The following CTDP1 variants were observed in gnomAD, a reference collection of about 807,000 sequenced individuals.
CTDP1 encodes RNA polymerase II subunit A C-terminal domain phosphatase.
In CTDP1, 47 loss-of-function variants were observed where a neutral mutation model predicts 91.8. The observed-to-expected ratio is 0.51, with a 90% CI of 0.41 to 0.65. CTDP1 has a LOEUF of 0.65. Ranked by LOEUF, CTDP1 falls within the 30% of genes least tolerant of loss-of-function variation. The pLI, the probability that CTDP1 is intolerant of heterozygous loss-of-function variation, is 0.00. For synonymous variants in CTDP1, 656 were observed against 598.5 expected (o/e 1.10, Z -1.40); for missense variants, 1,272 against 1,373.7 (o/e 0.93, Z 1.17).
intron 12 of CTDP1, among the ~76,000 whole-genome samples, chr18:79,752,111 G>C (rs1283832872): frequency 3.3e-5 from 5 of 152,274 alleles, no homozygotes; most frequent in Non-Finnish European, 7.3e-5. Context: ...GGGCTCTGGG[G>C]ATCTCCTGGG....
At chr18:79,725,997 G>T (rs1353990584) in intron 10 of CTDP1, among the ~76,000 whole-genome samples, 1 of 152,196 alleles carries the variant, frequency 6.6e-6, no homozygotes, top group African/African-American at 2.4e-5. Context: ...TGTAGATTTG[G>T]AGGGTTTACC....
intron 4 of CTDP1, among the ~76,000 whole-genome samples, chr18:79,704,325 C>T (rs148447227): frequency 1.3e-3 from 196 of 151,918 alleles, no homozygotes; most frequent in Non-Finnish European, 2.4e-3. Context: ...TGTGGAGGGG[C>T]GGGTGCAAAC....
intron 12 of CTDP1, among the ~76,000 whole-genome samples, chr18:79,745,155 G>A (rs1233396949): frequency 6.6e-6 from 1 of 152,242 alleles, no homozygotes; most frequent in Non-Finnish European, 1.5e-5. Flanking sequence ...CTTTTCCAAA[G>A]CAGTTGTAAT....
intron 11 of CTDP1, chr18:79,736,094 A>C (rs908774445): frequency 1.8e-6 from 1 of 561,218 alleles, no homozygotes; most frequent in Admixed American, 3.0e-5. Context: ...CCCTGTTCAC[A>C]TAAGGGACAG....
At chr18:79,738,340 G>C (rs2086709245) in intron 12 of CTDP1, among the ~76,000 whole-genome samples, 1 of 152,224 alleles carries the variant, frequency 6.6e-6, no homozygotes, top group Admixed American at 6.5e-5. Context: ...GTACAGACTT[G>C]TGTCCCGAGG....
At chr18:79,726,329 C>G (rs896434501) in intron 10 of CTDP1, among the ~76,000 whole-genome samples, 3 of 152,130 alleles carry the variant, frequency 2.0e-5, no homozygotes, top group Non-Finnish European at 4.4e-5. Context: ...ATGTCTGTAT[C>G]TTCTATTTCT....
intron 6 of CTDP1, among the ~76,000 whole-genome samples, chr18:79,712,328 C>T (rs2086101656): frequency 1.3e-5 from 2 of 152,172 alleles, no homozygotes; most frequent in African/African-American, 2.4e-5. Flanking sequence ...GTCGCCCAGG[C>T]TTAAGTGCAG....
At chr18:79,714,102 G>C (rs1378058888) in intron 7 of CTDP1, among the ~76,000 whole-genome samples, 1 of 152,196 alleles carries the variant, frequency 6.6e-6, no homozygotes, top group African/African-American at 2.4e-5. Flanking sequence ...GGTGGCGCCA[G>C]GTCTGCAGCC....
intron 10 of CTDP1, among the ~76,000 whole-genome samples, chr18:79,726,645 C>T (rs917635697): frequency 6.6e-6 from 1 of 152,076 alleles, no homozygotes; most frequent in African/African-American, 2.4e-5. Context: ...AGTGGAGGCC[C>T]CCTTGTTCCT....
chr18:79,683,880 G>A (rs1449462995), intron 1 of CTDP1, among the ~76,000 whole-genome samples: 1 of 152,258 alleles, frequency 6.6e-6, no homozygotes, highest in Non-Finnish European at 1.5e-5. Context: ...CCCTGCAGGT[G>A]TTATGAATTA....
chr18:79,738,000 G>A (rs1406477182), intron 12 of CTDP1, among the ~76,000 whole-genome samples: 4 of 132,182 alleles, frequency 3.0e-5, no homozygotes, highest in South Asian at 2.6e-4. Context: ...CCACTCCCCC[G>A]GCCTCCCCCG....
At chr18:79,716,816 G>A (rs1023390236) in intron 8 of CTDP1, among the ~76,000 whole-genome samples, 6 of 152,260 alleles carry the variant, frequency 3.9e-5, no homozygotes, top group Admixed American at 3.9e-4. Flanking sequence ...ACTGTTGAGA[G>A]GCTTTGCTGA....
chr18:79,707,703 T>C (rs978847668), intron 5 of CTDP1, among the ~76,000 whole-genome samples: 4 of 152,204 alleles, frequency 2.6e-5, no homozygotes, highest in Admixed American at 2.0e-4. Flanking sequence ...AGGAAGACTG[T>C]GTCCAGGCTG....
At chr18:79,730,071 C>T (rs545940669) in intron 11 of CTDP1, among the ~76,000 whole-genome samples, 13 of 152,352 alleles carry the variant, frequency 8.5e-5, no homozygotes, top group African/African-American at 3.1e-4. Context: ...ACAGACTCGT[C>T]TCAGTAACTC....
intron 10 of CTDP1, among the ~76,000 whole-genome samples, chr18:79,720,446 GTGA>G: frequency 6.6e-6 from 1 of 151,208 alleles, no homozygotes. Flanking sequence ...TCGTGTCCTG[GTGA>G]TGCTGTCACC....
intron 1 of CTDP1, among the ~76,000 whole-genome samples, chr18:79,693,374 A>G (rs2085662738): frequency 6.6e-6 from 1 of 152,160 alleles, no homozygotes; most frequent in African/African-American, 2.4e-5. Flanking sequence ...TAAGGAAATC[A>G]TACTTGTCAC....
At chr18:79,742,603 C>T (rs1013934870) in intron 12 of CTDP1, among the ~76,000 whole-genome samples, 33 of 152,328 alleles carry the variant, frequency 2.2e-4, no homozygotes, top group African/African-American at 7.0e-4. Context: ...TGTAAGGTAG[C>T]GTGTTGCTTC....
Position 79,679,976 on chromosome 18 carries a change from C to T in CTDP1, c.29C>T (p.Pro10Leu). The T allele has an allele frequency of 7.4e-7, 1 of 1,360,198 alleles. No homozygotes were observed. Among genetic ancestry groups the T allele is most frequent in the East Asian group, 3.3e-5 (1 of 30,392 alleles). The allele number at this position is 1,360,198 out of a possible 1,614,324, so 84.3% of individuals were successfully genotyped here. Residue 10 changes from proline (P) to leucine (L), a missense_variant, in exon 1 of 13, where the codon CCT (proline) becomes CTT (leucine). By Grantham distance (98) the Pro-to-Leu change is moderately conservative (BLOSUM62 -3). This residue lies in a region of CTDP1 where 214 missense variants were observed against 179.1 expected (regional missense o/e 1.19). Coordinates refer to ENST00000613122, the MANE Select transcript of CTDP1 (RefSeq NM_004715.5). Reference protein sequence around the residue: MEVPAAGRVPAEGAPTAAVA... With the variant: MEVPAAGRVLAEGAPTAAVA... ...GAGGTGCCGGCCGCGGGTCGCGTTCCTGCCGAGGGCGCCCCGACGGCGGCT... is the reference window on the plus strand; with the variant it reads ...GAGGTGCCGGCCGCGGGTCGCGTTCTTGCCGAGGGCGCCCCGACGGCGGCT...
intron 1 of CTDP1, among the ~76,000 whole-genome samples, chr18:79,682,759 C>T (rs887648425): frequency 2.6e-5 from 4 of 152,160 alleles, no homozygotes; most frequent in Non-Finnish European, 5.9e-5. Flanking sequence ...AGGAGTCCTG[C>T]AGCCCGTCCC....
Sources: allele counts gnomAD v4.1 joint callset (sites outside exome capture counted in the v4.1 genomes callset), GRCh38; gene constraint gnomAD v4.1.1; regional missense constraint gnomAD v4.1.1; transcripts MANE v1.5; gene names NCBI Gene and HGNC (gene_info 2026-07-23, HGNC 2026-07-21).